FAF1: variants seen among roughly 807,000 people sequenced by gnomAD.
FAF1 encodes Fas associated factor 1.
FAF1 carries 25 observed loss-of-function variants against 92.5 expected under a neutral mutation model. That is an observed-to-expected ratio of 0.27 (90% CI 0.20 to 0.38). The LOEUF is 0.38. Among genes scored for constraint, FAF1 ranks in the 10% least tolerant of loss-of-function variants. The probability of loss-of-function intolerance (pLI) is 1.00; values close to 1 mark genes in which losing one functional copy is unlikely to be tolerated. For missense variants in FAF1, 636 were observed against 793.3 expected, an observed-to-expected ratio of 0.80 and a Z score of 2.38; for synonymous variants, 234 against 273.2, an observed-to-expected ratio of 0.86 and a Z score of 1.42.
chr1:50,658,831 T>C (rs1374659309), intron 7 of FAF1, among the ~76,000 whole-genome samples: 3 of 152,248 alleles, frequency 2.0e-5, no homozygotes, highest in Admixed American at 6.5e-5. Flanking sequence ...AAGAATCTTA[T>C]GTTGAACCAC....
At chr1:50,668,221 A>T (rs1041339583) in intron 7 of FAF1, among the ~76,000 whole-genome samples, 2 of 152,236 alleles carry the variant, frequency 1.3e-5, no homozygotes, top group Non-Finnish European at 2.9e-5. Flanking sequence ...GTTTGGGAAC[A>T]ACTAGGCCAG....
Position 50,847,211 on chromosome 1 carries a change from T to C in FAF1, c.114+10718A>G, listed in dbSNP as rs113433941. On this transcript the variant is annotated intron_variant, in intron 2 of 18. Coordinates refer to ENST00000396153, the MANE Select transcript of FAF1 (RefSeq NM_007051.3). ...TCATGCAGAAATAAAAATTGAAGAC[T>C]AATGTATTAATTATATGGGCAATTT... Among the ~76,000 whole-genome samples the C allele has an allele frequency of 3.0e-3, 459 of 152,172 alleles. 4 individuals are homozygous for C. Among genetic ancestry groups the C allele is most frequent in the African/African-American group, 0.01 (433 of 41,510 alleles).
chr1:50,869,910 T>C (rs988914006), intron 1 of FAF1, among the ~76,000 whole-genome samples: 24 of 152,234 alleles, frequency 1.6e-4, no homozygotes, highest in African/African-American at 5.1e-4. Flanking sequence ...CTGAATGTGA[T>C]TGTGGCTTCT....
intron 6 of FAF1, among the ~76,000 whole-genome samples, chr1:50,732,483 C>T (rs1218762333): frequency 6.6e-6 from 1 of 152,174 alleles, no homozygotes; most frequent in Non-Finnish European, 1.5e-5. Flanking sequence ...CTGCAATTGT[C>T]ATATCTTCTT....
intron 7 of FAF1, among the ~76,000 whole-genome samples, chr1:50,689,583 GA>G (rs201107021): frequency 3.3e-5 from 5 of 151,042 alleles, no homozygotes; most frequent in African/African-American, 1.2e-4. Flanking sequence ...GACTCCGTCT[GA>G]AAAAAAACAA....
intron 1 of FAF1, among the ~76,000 whole-genome samples, chr1:50,880,297 C>T (rs1307836960): frequency 6.6e-6 from 1 of 152,044 alleles, no homozygotes; most frequent in Non-Finnish European, 1.5e-5. Context: ...AGGGCTATCA[C>T]AAAAGAAGTG....
At chr1:50,701,188 CTATAA>C (rs1488116723) in intron 7 of FAF1, among the ~76,000 whole-genome samples, 7 of 152,000 alleles carry the variant, frequency 4.6e-5, no homozygotes, top group African/African-American at 1.7e-4. Context: ...AAAAATCAAA[CTATAA>C]TATATGTTAA....
intron 8 of FAF1, among the ~76,000 whole-genome samples, chr1:50,615,905 G>A (rs1435622995): frequency 6.6e-6 from 1 of 152,024 alleles, no homozygotes; most frequent in East Asian, 1.9e-4. Flanking sequence ...TGTTTTTGGG[G>A]ACTAAGCCAA....
chr1:50,879,423 G>A (rs1644594600), intron 1 of FAF1, among the ~76,000 whole-genome samples: 1 of 151,946 alleles, frequency 6.6e-6, no homozygotes, highest in South Asian at 2.1e-4. Flanking sequence ...TCACAACCTA[G>A]TATATGTACA....
chr1:50,683,318 G>A (rs1380613386), intron 7 of FAF1, among the ~76,000 whole-genome samples: 1 of 152,034 alleles, frequency 6.6e-6, no homozygotes, highest in African/African-American at 2.4e-5. Context: ...CTTGAGGCCA[G>A]GAGTTTGAGA....
intron 7 of FAF1, among the ~76,000 whole-genome samples, chr1:50,659,839 CAGATA>C (rs1655295658): frequency 1.3e-5 from 2 of 152,238 alleles, no homozygotes; most frequent in South Asian, 2.1e-4. Context: ...CATATCGTTT[CAGATA>C]AGACAATCGT....
At chr1:50,612,106 G>T (rs1408273255) in intron 8 of FAF1, among the ~76,000 whole-genome samples, 3 of 152,038 alleles carry the variant, frequency 2.0e-5, no homozygotes, top group Admixed American at 2.0e-4. Context: ...ATCATACACA[G>T]GAAAAGTGCA....
At chr1:50,894,607 T>C (rs1476372427) in intron 1 of FAF1, among the ~76,000 whole-genome samples, 1 of 151,148 alleles carries the variant, frequency 6.6e-6, no homozygotes, top group African/African-American at 2.4e-5. Context: ...GGGCAGAACA[T>C]GTATTAGGCC....
intron 13 of FAF1, among the ~76,000 whole-genome samples, chr1:50,555,392 G>T (rs1054007173): frequency 1.3e-5 from 2 of 151,792 alleles, no homozygotes; most frequent in East Asian, 3.9e-4. Flanking sequence ...GAATCTACAA[G>T]GAACTCAAAC....
intron 4 of FAF1, among the ~76,000 whole-genome samples, chr1:50,753,420 T>C (rs570608155): frequency 6.6e-6 from 1 of 152,368 alleles, no homozygotes; most frequent in South Asian, 2.1e-4. Flanking sequence ...GTTTCCTGTT[T>C]GGAGCTATTA....
chr1:50,645,026 C>T lies in FAF1; in HGVS notation c.744+10416G>A, dbSNP rs149528388. ...TTCACAACTTTTCTTTTCTTTTAAACCCAAACTTTCTTCTACTGCTTTCAA... is the reference window on the plus strand; with the variant it reads ...TTCACAACTTTTCTTTTCTTTTAAATCCAAACTTTCTTCTACTGCTTTCAA... On this transcript the variant is annotated intron_variant, in intron 8 of 18. Coordinates refer to ENST00000396153, the MANE Select transcript of FAF1 (RefSeq NM_007051.3). Among the ~76,000 whole-genome samples, 396 of 152,290 alleles carry T rather than the reference C, an allele frequency of 2.6e-3. 1 individual carries two copies. Among genetic ancestry groups the T allele is most frequent in the Middle Eastern group, 0.01 (3 of 294 alleles).
intron 7 of FAF1, among the ~76,000 whole-genome samples, chr1:50,666,631 C>T (rs1224861385): frequency 6.6e-6 from 1 of 152,084 alleles, no homozygotes; most frequent in Non-Finnish European, 1.5e-5. Flanking sequence ...GCCTGTAATC[C>T]CAACACTTTG....
At chr1:50,466,543 C>T (rs1010462059) in intron 18 of FAF1, among the ~76,000 whole-genome samples, 3 of 152,072 alleles carry the variant, frequency 2.0e-5, no homozygotes, top group Admixed American at 1.3e-4. Flanking sequence ...TGGATGAGAG[C>T]GCTTAGATAA....
intron 5 of FAF1, among the ~76,000 whole-genome samples, chr1:50,739,235 CAT>C (rs565287423): frequency 5.3e-4 from 81 of 151,652 alleles, no homozygotes; most frequent in African/African-American, 1.7e-3. Flanking sequence ...TATATGCATA[CAT>C]ATATATGTGT....
Sources: allele counts gnomAD v4.1 joint callset (sites outside exome capture counted in the v4.1 genomes callset), GRCh38; gene constraint gnomAD v4.1.1; transcripts MANE v1.5; gene names NCBI Gene and HGNC (gene_info 2026-07-23, HGNC 2026-07-21).